Variants in NCKAP5 observed in about 807,000 individuals in gnomAD.
The protein encoded by NCKAP5 is nck-associated protein 5.
In NCKAP5, 92 loss-of-function variants were observed where a neutral mutation model predicts 167.0. The observed-to-expected ratio is 0.55, with a 90% CI of 0.47 to 0.66. NCKAP5 has a LOEUF of 0.66. Ranked by LOEUF, NCKAP5 falls within the 30% of genes least tolerant of loss-of-function variation. NCKAP5 has a pLI of 0.00. For synonymous variants in NCKAP5, 891 were observed against 877.4 expected, an observed-to-expected ratio of 1.02 and a Z score of -0.27; for missense variants, 2,378 against 2,315.0, an observed-to-expected ratio of 1.03 and a Z score of -0.56.
intron 11 of NCKAP5, among the ~76,000 whole-genome samples, chr2:132,821,949 C>T (rs760444479): frequency 1.3e-5 from 2 of 152,180 alleles, no homozygotes; most frequent in African/African-American, 2.4e-5. Context: ...GGTAGCTGAA[C>T]ACAAAACATA....
At chr2:133,290,841 A>G (rs1679543471) in intron 4 of NCKAP5, among the ~76,000 whole-genome samples, 1 of 149,962 alleles carries the variant, frequency 6.7e-6, no homozygotes, top group South Asian at 2.1e-4. Context: ...GCAGCCTCAG[A>G]GTCCTGGACT....
At chr2:133,649,203 C>A in the NCKAP5 span, among the ~76,000 whole-genome samples, 2 of 149,852 alleles carry the variant, frequency 1.3e-5, no homozygotes, top group Admixed American at 6.7e-5. Flanking sequence ...AATAGAAAGT[C>A]TAAACAGACC....
intron 8 of NCKAP5, among the ~76,000 whole-genome samples, chr2:132,924,606 T>C (rs920633546): frequency 4.6e-5 from 7 of 152,310 alleles, no homozygotes; most frequent in Admixed American, 2.6e-4. Context: ...ACAGGCATAA[T>C]TGGTGCAAGA....
intron 3 of NCKAP5, among the ~76,000 whole-genome samples, chr2:133,321,195 C>T (rs944082492): frequency 1.3e-5 from 2 of 152,282 alleles, no homozygotes; most frequent in Admixed American, 6.5e-5. Flanking sequence ...CTCCCCAGAT[C>T]GGAGCCTCAA....
intron 5 of NCKAP5, among the ~76,000 whole-genome samples, chr2:133,205,867 G>T (rs547226710): frequency 1.3e-5 from 2 of 151,468 alleles, no homozygotes; most frequent in Admixed American, 1.3e-4. Context: ...AAATATTATA[G>T]TTTAAAACTA....
intron 3 of NCKAP5, among the ~76,000 whole-genome samples, chr2:133,416,988 G>A (rs1269486912): frequency 6.6e-6 from 1 of 152,156 alleles, no homozygotes; most frequent in African/African-American, 2.4e-5. Context: ...ATGAGAGTGA[G>A]AAACACAAGA....
chr2:133,445,668 C>A (rs916631531), intron 3 of NCKAP5, among the ~76,000 whole-genome samples: 2 of 152,008 alleles, frequency 1.3e-5, no homozygotes, highest in South Asian at 4.2e-4. Context: ...AATTAAATTG[C>A]GATTCCACCT....
At chr2:132,872,638 TCCTCTC>T (rs2148779461) in intron 9 of NCKAP5, among the ~76,000 whole-genome samples, 1 of 152,336 alleles carries the variant, frequency 6.6e-6, no homozygotes, top group African/African-American at 2.4e-5. Flanking sequence ...GCTTTGACAG[TCCTCTC>T]CTGGCTAGTG....
chr2:132,822,614 C>T (rs750788922), intron 11 of NCKAP5, among the ~76,000 whole-genome samples: 1 of 152,126 alleles, frequency 6.6e-6, no homozygotes, highest in African/African-American at 2.4e-5. Context: ...TGAGAAAGAA[C>T]CAGAAAAGTA....
intron 19 of NCKAP5, among the ~76,000 whole-genome samples, chr2:132,689,954 A>C (rs372666812): frequency 2.6e-5 from 4 of 152,248 alleles, no homozygotes; most frequent in African/African-American, 9.6e-5. Context: ...ATATAGATTG[A>C]TATCTTAGTA....
intron 6 of NCKAP5, among the ~76,000 whole-genome samples, chr2:133,004,862 G>C (rs761530158): frequency 7.2e-5 from 11 of 152,160 alleles, no homozygotes; most frequent in Admixed American, 2.0e-4. Context: ...CCATTTTAGA[G>C]ACCTCCCCCT....
chr2:133,485,264 C>G (rs1382249602), intron 3 of NCKAP5, among the ~76,000 whole-genome samples: 1 of 152,078 alleles, frequency 6.6e-6, no homozygotes, highest in Admixed American at 6.6e-5. Flanking sequence ...AGACAGTCAC[C>G]ATTTAGGCTA....
intron 8 of NCKAP5, among the ~76,000 whole-genome samples, chr2:132,923,577 A>T (rs1695608763): frequency 6.6e-6 from 1 of 152,222 alleles, no homozygotes; most frequent in Non-Finnish European, 1.5e-5. Context: ...CTTTCCTTCT[A>T]ATTGGGACAA....
At chr2:133,555,453 G>C (rs939127393) in intron 2 of NCKAP5, among the ~76,000 whole-genome samples, 4 of 152,174 alleles carry the variant, frequency 2.6e-5, no homozygotes, top group African/African-American at 7.2e-5. Context: ...AAAAAGCCTT[G>C]GAATCCTCCA....
intron 7 of NCKAP5, among the ~76,000 whole-genome samples, chr2:132,980,293 G>A (rs983843299): frequency 6.6e-6 from 1 of 151,984 alleles, no homozygotes; most frequent in Non-Finnish European, 1.5e-5. Flanking sequence ...CACCCAGCCC[G>A]CAATGATTCT....
At chr2:133,655,958 A>G in the NCKAP5 span, among the ~76,000 whole-genome samples, 1 of 152,172 alleles carries the variant, frequency 6.6e-6, no homozygotes, top group African/African-American at 2.4e-5. Flanking sequence ...AGGCTCTGAG[A>G]TTATGTCATT....
chr2:133,304,972 A>T (rs556416785), intron 3 of NCKAP5, among the ~76,000 whole-genome samples: 33 of 152,310 alleles, frequency 2.2e-4, no homozygotes, highest in African/African-American at 7.7e-4. Flanking sequence ...TTGAGCTAAG[A>T]CTTGGAAGAG....
intron 6 of NCKAP5, among the ~76,000 whole-genome samples, chr2:133,014,961 G>A (rs944006355): frequency 2.0e-5 from 3 of 152,114 alleles, no homozygotes; most frequent in African/African-American, 4.8e-5. Flanking sequence ...GTTTTATATG[G>A]TTCAACCTAA....
chr2:133,521,756 C>T (rs1684496222), intron 2 of NCKAP5, among the ~76,000 whole-genome samples: 2 of 152,204 alleles, frequency 1.3e-5, no homozygotes, highest in Admixed American at 6.5e-5. Flanking sequence ...AATGCCCTAT[C>T]TCCAAATACA....
Sources: allele counts gnomAD v4.1 joint callset (sites outside exome capture counted in the v4.1 genomes callset), GRCh38; gene constraint gnomAD v4.1.1; transcripts MANE v1.5; gene names NCBI Gene and HGNC (gene_info 2026-07-23, HGNC 2026-07-21).